Variants in HNF4A observed in about 807,000 individuals in gnomAD.
The protein encoded by HNF4A is hepatocyte nuclear factor 4 alpha.
HNF4A carries 15 observed loss-of-function variants against 52.4 expected under a neutral mutation model. The ratio of observed to expected loss-of-function variants is 0.29; its 90% CI spans 0.19 to 0.44. The LOEUF is 0.44. HNF4A is among the 20% of genes least tolerant of loss of function. The pLI, the probability that HNF4A is intolerant of heterozygous loss-of-function variation, is 1.00. For missense variants in HNF4A, 479 were observed against 647.2 expected, an observed-to-expected ratio of 0.74 and a Z score of 2.82; for synonymous variants, 280 against 264.4, an observed-to-expected ratio of 1.06 and a Z score of -0.57.
At chr20:44,390,503 C>T in intron 1 of HNF4A, 1 of 625,306 alleles carries the variant, frequency 1.6e-6, no homozygotes, top group Non-Finnish European at 2.9e-6. Flanking sequence ...CCTGAAATCT[C>T]ATTGTGACCA....
At chr20:44,417,071 A>G (rs2063675475) in intron 5 of HNF4A, among the ~76,000 whole-genome samples, 3 of 152,182 alleles carry the variant, frequency 2.0e-5, no homozygotes, top group Admixed American at 6.5e-5. Context: ...TTGTGCCTCC[A>G]TTGTCTTAAA....
intron 1 of HNF4A, among the ~76,000 whole-genome samples, chr20:44,368,541 C>T (rs917711192): frequency 5.3e-5 from 8 of 152,018 alleles, no homozygotes; most frequent in Non-Finnish European, 1.0e-4. Context: ...CTGGGATCCA[C>T]ATCCTCCTCT....
chr20:44,395,534 C>G (rs1316456035), intron 1 of HNF4A: 2 of 152,238 alleles, frequency 1.3e-5, no homozygotes, highest in Admixed American at 6.5e-5. Flanking sequence ...AGGCAGGGGT[C>G]CAGTGGGGTG....
chr20:44,411,204 C>A (rs1044941434), intron 3 of HNF4A, among the ~76,000 whole-genome samples: 2 of 152,090 alleles, frequency 1.3e-5, no homozygotes, highest in African/African-American at 2.4e-5. Context: ...TCTGAAGAGG[C>A]CTTCCTCGGA....
intron 1 of HNF4A, among the ~76,000 whole-genome samples, chr20:44,359,346 T>C (rs2062893025): frequency 6.6e-6 from 1 of 152,232 alleles, no homozygotes; most frequent in Admixed American, 6.5e-5. Flanking sequence ...TGCACTTACG[T>C]GTCTGAAGCT....
chr20:44,418,296 C>T, intron 5 of HNF4A, 129 bp from the exon 6 acceptor site: 1 of 784,732 alleles, frequency 1.3e-6, no homozygotes, highest in Non-Finnish European at 2.3e-6. Context: ...TTTTATGATG[C>T]CCATTTCACA....
At chr20:44,358,119 T>G (rs1184203870) in intron 1 of HNF4A, among the ~76,000 whole-genome samples, 1 of 145,478 alleles carries the variant, frequency 6.9e-6, no homozygotes, top group African/African-American at 2.6e-5. Flanking sequence ...GCATCCTAGA[T>G]CTACCTTATT....
chr20:44,382,925 T>C (rs2063173429), intron 1 of HNF4A, among the ~76,000 whole-genome samples: 1 of 152,222 alleles, frequency 6.6e-6, no homozygotes, highest in South Asian at 2.1e-4. Flanking sequence ...TCCCAACACT[T>C]TGAAGACTAA....
upstream of HNF4A, among the ~76,000 whole-genome samples, chr20:44,401,093 G>T (rs1208788072): frequency 6.6e-6 from 1 of 152,014 alleles, no homozygotes. Flanking sequence ...TTAGCACCCC[G>T]GGTGTCAGCC....
chr20:44,401,156 CG>C (rs1419609838), upstream of HNF4A: 3 of 1,413,368 alleles, frequency 2.1e-6, no homozygotes, highest in Admixed American at 2.5e-5. Context: ...TATCCACCGG[CG>C]GGGGACCGAT....
At chr20:44,401,892 G>A (rs1369351070) in intron 1 of HNF4A, among the ~76,000 whole-genome samples, 3 of 152,024 alleles carry the variant, frequency 2.0e-5, no homozygotes, top group African/African-American at 7.3e-5. Flanking sequence ...AGACGGCAAG[G>A]GATGTTGTAT....
rs556013419 is a variant in HNF4A, at chr20:44,419,521, C to G, written c.737-200C>G. ...GAAAGAGGTCCTAGAAAGCCAAGTT[C>G]CAAGCTCAGCCGGATGACTCAAGGC... is the stretch of plus-strand genomic sequence containing the variant. On this transcript the variant is annotated intron_variant, in intron 6 of 9. Transcript: ENST00000316099. 1.6e-4 allele frequency among the ~76,000 whole-genome samples: 24 copies of G among 152,282 alleles called. 1 individual carries two copies. The South Asian group carries it at 3.3e-3, about 21-fold the overall frequency.
At position 44,405,977 on chromosome 20, in the gene HNF4A, TG is replaced by T. The variant is rs1051626985; in HGVS notation, c.116-79del. ...CCAGATCTGGCTGAGGCCGAAGCCC[TG>T]GAGAGATCCCCGCAAGGCTCCCTTA... On this transcript the variant is annotated intron_variant, in intron 1 of 9. Transcript: ENST00000316099. 6.5e-6 allele frequency: 9 copies of T among 1,380,342 alleles called. No individual in the cohort carries two copies. In the African/African-American group the frequency reaches 1.1e-4, roughly 17 times the overall value. 85.5% of individuals were successfully genotyped at this position (1,380,342 alleles called of 1,614,324 possible). A position where few individuals can be genotyped will look rare whatever the true frequency, so the allele number is the denominator to read the frequency against.
intron 1 of HNF4A, among the ~76,000 whole-genome samples, chr20:44,384,980 G>T (rs2063201571): frequency 6.7e-6 from 1 of 149,612 alleles, no homozygotes; most frequent in Non-Finnish European, 1.5e-5. Flanking sequence ...CACCTCTCAG[G>T]CTGCCACTCA....
At chr20:44,395,227 C>T (rs1240974345) in intron 1 of HNF4A, among the ~76,000 whole-genome samples, 1 of 152,256 alleles carries the variant, frequency 6.6e-6, no homozygotes, top group Non-Finnish European at 1.5e-5. Flanking sequence ...TGAGGGGCCC[C>T]AGGTCTGGGC....
chr20:44,425,656 C>CTTTTTT lies in HNF4A; in HGVS notation c.1129+1413_1129+1418dup, dbSNP rs10657596. On this transcript the variant is annotated intron_variant, in intron 8 of 9. Coordinates refer to ENST00000316099, the MANE Select transcript of HNF4A (RefSeq NM_000457.6). ...ATTGTGGACCCTCTTTTCTTTTTTCCTTTTTTTTTTTTTTTTGAGACGAGA... is the reference window on the plus strand; with the variant it reads ...ATTGTGGACCCTCTTTTCTTTTTTCCTTTTTTTTTTTTTTTTTTTTTTGAGACGAGA... Among the ~76,000 whole-genome samples the CTTTTTT allele has an allele frequency of 6.3e-4, 82 of 129,456 alleles. 2 individuals carry two copies. Among genetic ancestry groups the CTTTTTT allele is most frequent in the African/African-American group, 1.6e-3 (57 of 35,242 alleles). 84.9% of individuals were successfully genotyped at this position (129,456 alleles called of 152,430 possible). A position where few individuals can be genotyped will look rare whatever the true frequency, so the allele number is the denominator to read the frequency against.
intron 1 of HNF4A, among the ~76,000 whole-genome samples, chr20:44,380,543 C>G (rs2063141134): frequency 6.6e-6 from 1 of 152,198 alleles, no homozygotes; most frequent in Admixed American, 6.5e-5. Flanking sequence ...ATCCTCCTGC[C>G]TCTGCCTCAC....
At chr20:44,376,841 A>G (rs748660091) in intron 1 of HNF4A, among the ~76,000 whole-genome samples, 1 of 152,080 alleles carries the variant, frequency 6.6e-6, no homozygotes, top group Non-Finnish European at 1.5e-5. Context: ...ACTTCCTTTT[A>G]TTACTCCTCA....
At chr20:44,367,901 C>T (rs570878965) in intron 1 of HNF4A, among the ~76,000 whole-genome samples, 16 of 151,612 alleles carry the variant, frequency 1.1e-4, no homozygotes, top group East Asian at 3.9e-4. Context: ...AACCACGCAG[C>T]GCATGAGAGG....
Sources: gnomAD v4.1 joint callset for allele counts (sites outside exome capture counted in the v4.1 genomes callset) on GRCh38, gnomAD v4.1.1 for gene constraint, MANE v1.5 for transcripts, NCBI Gene and HGNC (gene_info 2026-07-23, HGNC 2026-07-21) for gene names.